Variants in TRIM3 observed in about 807,000 individuals in gnomAD.
TRIM3 encodes tripartite motif containing 3, also known as tripartite motif-containing protein 3.
TRIM3 carries 13 observed loss-of-function variants against 66.6 expected under a neutral mutation model. The ratio of observed to expected loss-of-function variants is 0.20; its 90% CI spans 0.13 to 0.31. The LOEUF (loss-of-function observed/expected upper bound fraction) is 0.31, where lower values mean the gene tolerates loss of function less well. Ranked by LOEUF, TRIM3 falls within the 10% of genes least tolerant of loss-of-function variation. The pLI, the probability that TRIM3 is intolerant of heterozygous loss-of-function variation, is 1.00. For synonymous variants in TRIM3, 406 were observed against 411.7 expected (o/e 0.99, Z 0.17); for missense variants, 711 against 1,020.4 (o/e 0.70, Z 4.13).
Position 6,457,228 on chromosome 11 carries a change from G to A in TRIM3, c.696+68C>T. ...GAATGGGGAGCTGGTGTGGAAGACAGAGGAACAATGGAGGCAATAACACCA... is the reference window on the plus strand; with the variant it reads ...GAATGGGGAGCTGGTGTGGAAGACAAAGGAACAATGGAGGCAATAACACCA... On this transcript the variant is annotated intron_variant, in intron 5 of 11. Coordinates refer to ENST00000345851, the MANE Select transcript of TRIM3 (RefSeq NM_033278.4). The surrounding 1 kb of genome is among the most constrained non-coding windows in gnomAD (Gnocchi z 4.5). The A allele has an allele frequency of 6.3e-7, 1 of 1,577,654 alleles. No homozygotes were observed. Among genetic ancestry groups the A allele is most frequent in the Non-Finnish European group, 8.6e-7 (1 of 1,159,142 alleles).
intron 1 of TRIM3, among the ~76,000 whole-genome samples, chr11:6,468,042 G>A (rs1004794328): frequency 1.3e-5 from 2 of 152,170 alleles, no homozygotes; most frequent in Non-Finnish European, 2.9e-5. Flanking sequence ...CCAGCACTTC[G>A]AGAGGCTGAG....
At chr11:6,453,262 A>C (rs1849811049) in intron 7 of TRIM3, 1 of 152,204 alleles carries the variant, frequency 6.6e-6, no homozygotes, top group Non-Finnish European at 1.5e-5. Context: ...TGCAAAAGTG[A>C]ATTCATCAAC....
At position 6,457,524 on chromosome 11, in the gene TRIM3, G is replaced by C. The variant is rs200914624; in HGVS notation, c.516-48C>G. The C allele has an allele frequency of 6.3e-7, 1 of 1,594,592 alleles. No homozygotes were observed. The highest frequency in any genetic ancestry group is 1.1e-5 in the South Asian group (1 of 89,306). ...CAGAGTTGCTGAGGGTGGCTTTGCCGAACTTTCCCTTCTCCCTGGGGAACC... is the reference window on the plus strand; with the variant it reads ...CAGAGTTGCTGAGGGTGGCTTTGCCCAACTTTCCCTTCTCCCTGGGGAACC... On this transcript the variant is annotated intron_variant, in intron 4 of 11. Transcript: ENST00000345851. This position sits in a 1 kb window ranked among gnomAD's most constrained non-coding sequence, Gnocchi z 4.5.
At chr11:6,470,540 G>A in intron 1 of TRIM3, among the ~76,000 whole-genome samples, 1 of 152,192 alleles carries the variant, frequency 6.6e-6, no homozygotes, top group Non-Finnish European at 1.5e-5. Flanking sequence ...AAGCGTGGGG[G>A]TTGCAGGCAT....
chr11:6,465,469 G>C, intron 2 of TRIM3, 96 bp downstream of exon 2: 1 of 1,495,158 alleles, frequency 6.7e-7, no homozygotes, highest in Non-Finnish European at 9.2e-7. Context: ...ACCTACTACA[G>C]GTTTACACAT....
intron 7 of TRIM3, among the ~76,000 whole-genome samples, chr11:6,455,356 T>C (rs1004093615): frequency 5.3e-5 from 8 of 152,194 alleles, no homozygotes; most frequent in Admixed American, 3.9e-4. Context: ...TTTCAGAGCC[T>C]GAGCTTTTAA....
Position 6,451,310 on chromosome 11 carries a change from G to A in TRIM3, c.1662C>T (p.Asn554=), listed in dbSNP as rs763058510. ...NGDIIVADYD[N]RWVSIFSPEG... is the part of the protein sequence containing the mutation. ...CAGGGGAGAAGATGCTGACCCAACG[G>A]TTGTCATAGTCTGCCACAATTATGT... The change falls in exon 8 of 12, where the codon AAC becomes AAT. Residue 554 remains asparagine, a synonymous_variant. Transcript: ENST00000345851. 2 of 1,614,034 alleles carry A rather than the reference G, an allele frequency of 1.2e-6. No homozygotes were observed. The highest frequency in any genetic ancestry group is 1.7e-6 in the Non-Finnish European group (2 of 1,180,042).
chr11:6,457,087 A>G lies in TRIM3; in HGVS notation c.697-58T>C. ...GACTGGCACAGGGGGAGTCTCTGTGATTACTGAAGTTGTAGCACTGTGGCA... is the reference window on the plus strand; with the variant it reads ...GACTGGCACAGGGGGAGTCTCTGTGGTTACTGAAGTTGTAGCACTGTGGCA... On this transcript the variant is annotated intron_variant, in intron 5 of 11. Transcript: ENST00000345851. The surrounding 1 kb of genome is among the most constrained non-coding windows in gnomAD (Gnocchi z 4.5). The G allele has an allele frequency of 6.5e-7, 1 of 1,547,636 alleles. No individual in the cohort carries two copies. The highest frequency in any genetic ancestry group is 2.0e-4 in the Middle Eastern group (1 of 5,078).
At chr11:6,464,034 TGAG>T (rs1850347124) in intron 2 of TRIM3, among the ~76,000 whole-genome samples, 1 of 152,040 alleles carries the variant, frequency 6.6e-6, no homozygotes, top group Non-Finnish European at 1.5e-5. Context: ...GCAGTGGTGG[TGAG>T]AAGACCTAGG....
intron 2 of TRIM3, among the ~76,000 whole-genome samples, chr11:6,461,396 T>C (rs926847889): frequency 1.3e-5 from 2 of 152,172 alleles, no homozygotes; most frequent in Non-Finnish European, 2.9e-5. Flanking sequence ...CTCCTCCTTA[T>C]TGTTGTCTCT....
Position 6,449,501 on chromosome 11 carries a change from C to T in TRIM3, c.1942-55G>A. Reference sequence around the variant, plus strand: ...ACCTGGCCTCAGGCAGAGGGTAGGGCTTTGGAGGAGGATAGGGTGAAGCCC... The same window carrying T: ...ACCTGGCCTCAGGCAGAGGGTAGGGTTTTGGAGGAGGATAGGGTGAAGCCC... On this transcript the variant is annotated intron_variant, in intron 10 of 11. Coordinates refer to ENST00000345851, the MANE Select transcript of TRIM3 (RefSeq NM_033278.4). The surrounding 1 kb of genome is among the most constrained non-coding windows in gnomAD (Gnocchi z 5.3). The T allele has an allele frequency of 6.4e-7, 1 of 1,561,172 alleles. No individual in the cohort carries two copies. The highest frequency in any genetic ancestry group is 1.2e-5 in the South Asian group (1 of 83,786).
intron 2 of TRIM3, among the ~76,000 whole-genome samples, chr11:6,461,910 C>T (rs1324805548): frequency 6.6e-6 from 1 of 152,018 alleles, no homozygotes; most frequent in African/African-American, 2.4e-5. Context: ...AAATAAAATC[C>T]AAACACTTTC....
chr11:6,451,142 G>C, intron 8 of TRIM3, 82 bp from the exon 9 acceptor site: 1 of 1,594,170 alleles, frequency 6.3e-7, no homozygotes, highest in Non-Finnish European at 8.6e-7. Flanking sequence ...GCAGAATCTT[G>C]GGCTGGGGAA....
chr11:6,455,368 T>A (rs1232471278), intron 7 of TRIM3, among the ~76,000 whole-genome samples: 1 of 152,190 alleles, frequency 6.6e-6, no homozygotes, highest in Non-Finnish European at 1.5e-5. Flanking sequence ...AGCTTTTAAC[T>A]GCTCTGCTGT....
chr11:6,467,105 G>A (rs905715875), intron 1 of TRIM3, among the ~76,000 whole-genome samples: 1 of 152,188 alleles, frequency 6.6e-6, no homozygotes, highest in African/African-American at 2.4e-5. Context: ...CCTGTGGTGG[G>A]GAGGTGGTGG....
Position 6,450,286 on chromosome 11 carries a change from T to C in TRIM3, c.1941+265A>G, listed in dbSNP as rs1477987338. Reference sequence around the variant, plus strand: ...CCTTCCTATCACAGAATCTATTACATCATATTGTAATTTTTTGGTTACCTT... The same window carrying C: ...CCTTCCTATCACAGAATCTATTACACCATATTGTAATTTTTTGGTTACCTT... On this transcript the variant is annotated intron_variant, in intron 10 of 11. Coordinates refer to ENST00000345851, the MANE Select transcript of TRIM3 (RefSeq NM_033278.4). The surrounding 1 kb of genome is among the most constrained non-coding windows in gnomAD (Gnocchi z 4.8). 1 of 515,774 alleles carries C rather than the reference T, an allele frequency of 1.9e-6. No homozygotes were observed. Among genetic ancestry groups the C allele is most frequent in the Non-Finnish European group, 3.5e-6 (1 of 288,010 alleles). 31.9% of individuals were successfully genotyped at this position (515,774 alleles called of 1,614,324 possible). A position where few individuals can be genotyped will look rare whatever the true frequency, so the allele number is the denominator to read the frequency against.
chr11:6,453,469 G>A (rs1849823789), intron 7 of TRIM3, among the ~76,000 whole-genome samples: 1 of 151,942 alleles, frequency 6.6e-6, no homozygotes, highest in Non-Finnish European at 1.5e-5. Context: ...CTGACTTCAG[G>A]GATCTCACAG....
At position 6,448,959 on chromosome 11, in the gene TRIM3, C is replaced by A. The variant is rs537393745; in HGVS notation, c.*69G>T. 6.3e-7 allele frequency: 1 copy of A among 1,586,406 alleles called. No individual in the cohort carries two copies. The highest frequency in any genetic ancestry group is 1.1e-5 in the South Asian group (1 of 89,402). Reference sequence around the variant, plus strand: ...GTGCTGCCAGGTCTGGCCCACCTCCCAGCCAGACCCTCTTGTCCAATCACC... The same window carrying A: ...GTGCTGCCAGGTCTGGCCCACCTCCAAGCCAGACCCTCTTGTCCAATCACC... On this transcript the variant is annotated 3_prime_UTR_variant, in exon 12 of 12. Transcript: ENST00000345851.
intron 2 of TRIM3, among the ~76,000 whole-genome samples, chr11:6,463,340 A>C (rs1160437686): frequency 1.3e-5 from 2 of 152,278 alleles, no homozygotes; most frequent in Non-Finnish European, 2.9e-5. Context: ...AGTATGTATA[A>C]ATCACTTAGC....
Sources: allele counts gnomAD v4.1 joint callset (sites outside exome capture counted in the v4.1 genomes callset), GRCh38; gene constraint gnomAD v4.1.1; non-coding constraint Gnocchi (gnomAD v3.1); transcripts MANE v1.5; gene names NCBI Gene and HGNC (gene_info 2026-07-23, HGNC 2026-07-21).